The following RPS6KC1 variants were observed in gnomAD, a reference collection of about 807,000 sequenced individuals.
The protein encoded by RPS6KC1 is ribosomal protein S6 kinase C1, also known as inactive ribosomal protein S6 kinase delta-1.
A neutral mutation model predicts 103.8 loss-of-function variants in RPS6KC1; 54 were observed. The observed-to-expected ratio is 0.52, with a 90% CI of 0.42 to 0.65. The LOEUF (loss-of-function observed/expected upper bound fraction) is 0.65. Among genes scored for constraint, RPS6KC1 ranks in the 30% least tolerant of loss-of-function variants. RPS6KC1 has a pLI of 0.00. For missense variants in RPS6KC1, 1,151 were observed against 1,253.8 expected (o/e 0.92, Z 1.24); for synonymous variants, 439 against 438.7 (o/e 1.00, Z -0.01).
the RPS6KC1 span, among the ~76,000 whole-genome samples, chr1:213,379,115 T>A: frequency 6.6e-6 from 1 of 152,318 alleles, no homozygotes; most frequent in Middle Eastern, 3.4e-3. Context: ...CCTGCTTTCA[T>A]TCTCTGTGAA....
chr1:213,521,267 A>C, the RPS6KC1 span, among the ~76,000 whole-genome samples: 1 of 152,200 alleles, frequency 6.6e-6, no homozygotes, highest in African/African-American at 2.4e-5. Context: ...CAGTGCATAT[A>C]AAAGTTAATG....
chr1:213,278,582 T>A (rs2095116980), downstream of RPS6KC1, among the ~76,000 whole-genome samples: 1 of 152,234 alleles, frequency 6.6e-6, no homozygotes. Context: ...CCCCCGACCG[T>A]ATGCTTCTAC....
the RPS6KC1 span, among the ~76,000 whole-genome samples, chr1:213,572,769 C>T: frequency 1.3e-5 from 2 of 152,100 alleles, no homozygotes; most frequent in African/African-American, 4.8e-5. Flanking sequence ...TTTATCCAAG[C>T]ATATACTGTT....
At chr1:213,293,305 T>G in the RPS6KC1 span, among the ~76,000 whole-genome samples, 1 of 152,242 alleles carries the variant, frequency 6.6e-6, no homozygotes, top group African/African-American at 2.4e-5. Flanking sequence ...CTTAATTAAC[T>G]TTCCTTCTGT....
chr1:213,621,809 CTG>C, the RPS6KC1 span, among the ~76,000 whole-genome samples: 1,297 of 152,288 alleles, frequency 8.5e-3, 25 homozygotes, highest in African/African-American at 0.03. Context: ...CCCTAGGTGA[CTG>C]TGCAGGTACC....
the RPS6KC1 span, among the ~76,000 whole-genome samples, chr1:213,485,924 G>A: frequency 1.3e-5 from 2 of 152,186 alleles, no homozygotes; most frequent in African/African-American, 4.8e-5. Flanking sequence ...CAAAAAGAGA[G>A]CATAGGCACT....
At chr1:213,496,347 G>A in the RPS6KC1 span, among the ~76,000 whole-genome samples, 1 of 152,074 alleles carries the variant, frequency 6.6e-6, no homozygotes, top group African/African-American at 2.4e-5. Flanking sequence ...AATAATAACA[G>A]TATGGCTAAA....
At chr1:213,496,556 G>C in the RPS6KC1 span, among the ~76,000 whole-genome samples, 1 of 152,112 alleles carries the variant, frequency 6.6e-6, no homozygotes, top group Non-Finnish European at 1.5e-5. Context: ...TCAAGGGTTT[G>C]AGACCAGCCT....
chr1:213,667,675 G>A, the RPS6KC1 span, among the ~76,000 whole-genome samples: 152 of 152,180 alleles, frequency 1.0e-3, 1 homozygote, highest in East Asian at 1.9e-3. Context: ...TTCACAAAAG[G>A]TTTCTCTGTG....
the RPS6KC1 span, among the ~76,000 whole-genome samples, chr1:213,813,495 A>G: frequency 2.0e-5 from 3 of 152,172 alleles, no homozygotes; most frequent in Non-Finnish European, 4.4e-5. Flanking sequence ...AATAAAAAAT[A>G]TAAAAAGCCA....
the RPS6KC1 span, among the ~76,000 whole-genome samples, chr1:213,406,873 G>A: frequency 3.9e-5 from 6 of 152,202 alleles, no homozygotes; most frequent in Admixed American, 2.6e-4. Flanking sequence ...ATCCTGAGAG[G>A]GCATGATTAT....
At chr1:213,843,451 G>A in the RPS6KC1 span, 3 of 152,176 alleles carry the variant, frequency 2.0e-5, no homozygotes, top group African/African-American at 7.2e-5. Flanking sequence ...TCCTGGCTAA[G>A]TTTCCTGAAA....
chr1:213,602,112 CTT>C, the RPS6KC1 span, among the ~76,000 whole-genome samples: 60 of 39,318 alleles, frequency 1.5e-3, no homozygotes, highest in Middle Eastern at 0.01. Context: ...TTCTTTCTTT[CTT>C]TCTTTCTCTT....
the RPS6KC1 span, among the ~76,000 whole-genome samples, chr1:213,815,038 T>C: frequency 2.0e-5 from 3 of 152,172 alleles, no homozygotes; most frequent in African/African-American, 2.4e-5. Flanking sequence ...CCACGTGTCA[T>C]GGGAGGGAGC....
At chr1:213,604,894 A>G in the RPS6KC1 span, among the ~76,000 whole-genome samples, 28 of 152,310 alleles carry the variant, frequency 1.8e-4, no homozygotes, top group African/African-American at 6.7e-4. Flanking sequence ...TGGGGGCAGT[A>G]GGAGATGGGA....
At chr1:213,206,574 T>C (rs2093355623) in intron 8 of RPS6KC1, among the ~76,000 whole-genome samples, 1 of 152,228 alleles carries the variant, frequency 6.6e-6, no homozygotes, top group South Asian at 2.1e-4. Context: ...AGTCATTTCA[T>C]TTTACACAGT....
chr1:213,798,283 C>A, the RPS6KC1 span, among the ~76,000 whole-genome samples: 1 of 152,200 alleles, frequency 6.6e-6, no homozygotes, highest in Non-Finnish European at 1.5e-5. Context: ...GAGGAAAAAG[C>A]AATGGAAAAA....
At chr1:213,261,742 G>A in intron 13 of RPS6KC1, 102 bp downstream of exon 13, 2 of 991,260 alleles carry the variant, frequency 2.0e-6, no homozygotes, top group South Asian at 1.6e-5. Flanking sequence ...CAGGGACTAA[G>A]CAAGAAAAAC....
At chr1:213,625,551 G>T in the RPS6KC1 span, among the ~76,000 whole-genome samples, 4 of 152,072 alleles carry the variant, frequency 2.6e-5, no homozygotes, top group Admixed American at 2.0e-4. Flanking sequence ...TTAACATTAG[G>T]TATATCTCCA....
Sources: allele counts gnomAD v4.1 joint callset (sites outside exome capture counted in the v4.1 genomes callset), GRCh38; gene constraint gnomAD v4.1.1; transcripts MANE v1.5; gene names NCBI Gene and HGNC (gene_info 2026-07-23, HGNC 2026-07-21).